Variants in CCDC57 observed in about 807,000 individuals in gnomAD.
CCDC57 encodes the protein coiled-coil domain-containing protein 57.
In CCDC57, 118 loss-of-function variants were observed where a neutral mutation model predicts 118.9. The observed-to-expected ratio is 0.99, with a 90% CI of 0.86 to 1.16. CCDC57 has a LOEUF of 1.16. CCDC57 is among the 50% of genes most tolerant of loss of function. The pLI is 0.00. For missense variants in CCDC57, 1,300 were observed against 1,320.7 expected, an observed-to-expected ratio of 0.98 and a Z score of 0.24; for synonymous variants, 527 against 532.9, an observed-to-expected ratio of 0.99 and a Z score of 0.15.
rs2041224005 is a variant in CCDC57 at position 82,148,369 on chromosome 17, A to ATGGGTAGATGGATGGATGGATGGT, written c.2455+3190_2455+3191insACCATCCATCCATCCATCTACCCA. Among the ~76,000 whole-genome samples, 5 of 884 alleles carry ATGGGTAGATGGATGGATGGATGGT rather than the reference A, an allele frequency of 5.7e-3. 1 individual carries two copies. Among genetic ancestry groups the ATGGGTAGATGGATGGATGGATGGT allele is most frequent in the Non-Finnish European group, 9.9e-3 (5 of 506 alleles). The allele number at this position is 884 out of a possible 152,430, so 0.6% of individuals were successfully genotyped here. ...GATAGGTGGGTGGATGGATGGGTGG[A>ATGGGTAGATGGATGGATGGATGGT]TGGGTGGGTGGGTGAATGGATGAAT... On this transcript the variant is annotated intron_variant, in intron 16 of 19. Coordinates refer to ENST00000665763, the Ensembl canonical transcript of CCDC57.
At position 82,196,934 on chromosome 17, in the gene CCDC57, C is replaced by T. The variant is rs574862041; in HGVS notation, c.516+1380G>A. ...CTCGTGACTCCTGCACCTGCAGAGA[C>T]GCAGCCCCTCGTGACTCCTGCACCT... On this transcript the variant is annotated intron_variant, in intron 4 of 19. Coordinates refer to ENST00000665763, the Ensembl canonical transcript of CCDC57. 4.2e-3 allele frequency among the ~76,000 whole-genome samples: 614 copies of T among 147,074 alleles called. 13 individuals carry two copies. The highest frequency in any genetic ancestry group is 0.015 in the African/African-American group (588 of 38,592).
At chr17:82,108,836 C>G (rs1366156327) in intron 19 of CCDC57, 1 of 152,214 alleles carries the variant, frequency 6.6e-6, no homozygotes, top group Non-Finnish European at 1.5e-5. Flanking sequence ...AGGAAGGAGC[C>G]TCGCTTTCTC....
At chr17:82,163,307 C>T (rs756986418) in exon 14 of CCDC57, 1 of 1,613,736 alleles carries the variant, frequency 6.2e-7, no homozygotes, top group South Asian at 1.1e-5. Context: ...GATCCTCCTG[C>T]TTGACCAGCT....
intron 16 of CCDC57, among the ~76,000 whole-genome samples, chr17:82,134,933 T>C (rs1016756371): frequency 3.3e-5 from 5 of 152,228 alleles, no homozygotes; most frequent in African/African-American, 1.2e-4. Flanking sequence ...ATTCATGTTA[T>C]GTTATGTAAA....
intron 7 of CCDC57, among the ~76,000 whole-genome samples, chr17:82,190,748 C>T (rs1406199400): frequency 2.7e-5 from 4 of 150,878 alleles, no homozygotes; most frequent in African/African-American, 9.8e-5. Context: ...TGCCTCTTGC[C>T]ACCCAGAACC....
At chr17:82,145,187 AT>A (rs71166191) in intron 16 of CCDC57, among the ~76,000 whole-genome samples, 69 of 139,262 alleles carry the variant, frequency 5.0e-4, no homozygotes, top group Non-Finnish European at 6.4e-4. Flanking sequence ...CACTTGGCTA[AT>A]TTTTTTTTTT....
intron 17 of CCDC57, among the ~76,000 whole-genome samples, chr17:82,129,870 A>G (rs2038065238): frequency 6.6e-6 from 1 of 152,018 alleles, no homozygotes; most frequent in South Asian, 2.1e-4. Flanking sequence ...CAGCCTGGGC[A>G]ACAGAGCGAA....
At chr17:82,193,324 G>T (rs1215995905) in intron 7 of CCDC57, among the ~76,000 whole-genome samples, 1 of 152,080 alleles carries the variant, frequency 6.6e-6, no homozygotes, top group Non-Finnish European at 1.5e-5. Flanking sequence ...AGGTGGGCGG[G>T]TCATTTGAGG....
chr17:82,101,792 T>C (rs764414750), exon 20 of CCDC57: 9 of 1,606,998 alleles, frequency 5.6e-6, no homozygotes, highest in Non-Finnish European at 1.7e-6. Context: ...TGGGCTGCTG[T>C]CTTCATCCCT....
intron 19 of CCDC57, chr17:82,113,748 C>T (rs1404742385): frequency 1.5e-6 from 1 of 689,118 alleles, no homozygotes; most frequent in East Asian, 2.7e-5. Context: ...GCCTGGGTGA[C>T]ATAGTGAGAC....
intron 12 of CCDC57, 105 bp from the exon 12 acceptor site, chr17:82,171,958 G>T (rs2044800121): frequency 8.3e-7 from 1 of 1,207,228 alleles, no homozygotes. Context: ...ATGCCCGCCA[G>T]CTTCACTGTC....
intron 19 of CCDC57, among the ~76,000 whole-genome samples, chr17:82,105,553 G>A (rs557121467): frequency 3.3e-5 from 5 of 152,154 alleles, no homozygotes; most frequent in South Asian, 2.1e-4. Flanking sequence ...ACGCCCACCC[G>A]TGTCTCCCCA....
chr17:82,148,353 G>A (rs2041214049), intron 16 of CCDC57, among the ~76,000 whole-genome samples: 1 of 27,460 alleles, frequency 3.6e-5, no homozygotes, highest in Non-Finnish European at 6.6e-5. Flanking sequence ...GGATAGGTGG[G>A]TGGATGGATG....
intron 7 of CCDC57, among the ~76,000 whole-genome samples, chr17:82,188,873 C>A (rs974602602): frequency 1.3e-5 from 2 of 152,224 alleles, no homozygotes; most frequent in Non-Finnish European, 2.9e-5. Flanking sequence ...TGTTGCCCAG[C>A]CTGGCCTTGA....
At chr17:82,145,754 C>T (rs1196448998) in intron 16 of CCDC57, 7 of 442,996 alleles carry the variant, frequency 1.6e-5, no homozygotes, top group African/African-American at 1.3e-4. Context: ...CTGCAGGCCC[C>T]TGAGTGGGGC....
chr17:82,130,492 G>A (rs1598758160), intron 17 of CCDC57, among the ~76,000 whole-genome samples: 1 of 127,248 alleles, frequency 7.9e-6, no homozygotes. Context: ...ACCACACCCA[G>A]ACAAAACTTT....
chr17:82,168,178 A>G lies in CCDC57; in HGVS notation c.1882+3523T>C, dbSNP rs558389899. On this transcript the variant is annotated intron_variant, in intron 13 of 19. Transcript: ENST00000665763. The stretch of plus-strand genomic sequence containing the variant: ...GACAGTTTTTTGCTTTCAGTACTTG[A>G]AAAATATTATGCCACTTCCTTCTGA... Among the ~76,000 whole-genome samples the G allele has an allele frequency of 2.0e-4, 31 of 152,330 alleles. 1 individual carries two copies. The South Asian group carries it at 6.4e-3, about 32-fold the overall frequency.
At chr17:82,185,988 C>A (rs578160709) in intron 8 of CCDC57, among the ~76,000 whole-genome samples, 2 of 152,180 alleles carry the variant, frequency 1.3e-5, no homozygotes, top group South Asian at 4.2e-4. Context: ...TAGGTGAGCA[C>A]CACCGTACCT....
chr17:82,150,803 C>A (rs1311872059), intron 16 of CCDC57, among the ~76,000 whole-genome samples: 1 of 91,196 alleles, frequency 1.1e-5, no homozygotes, highest in South Asian at 4.9e-4. Flanking sequence ...AGAACCTGAC[C>A]CACACCCAGA....
Sources: allele counts gnomAD v4.1 joint callset (sites outside exome capture counted in the v4.1 genomes callset), GRCh38; gene constraint gnomAD v4.1.1; transcripts MANE v1.5; gene names NCBI Gene and HGNC (gene_info 2026-07-23, HGNC 2026-07-21).